ATG5: variants seen among roughly 807,000 people sequenced by gnomAD.
ATG5 encodes autophagy protein 5.
ATG5 carries 14 observed loss-of-function variants against 36.5 expected under a neutral mutation model. That is an observed-to-expected ratio of 0.38 (90% confidence interval 0.25 to 0.60). The LOEUF is 0.60. Ranked by LOEUF, ATG5 falls within the 20% of genes least tolerant of loss-of-function variation. The pLI is 0.60. For synonymous variants in ATG5, 95 were observed against 101.5 expected, an observed-to-expected ratio of 0.94 and a Z score of 0.38; for missense variants, 195 against 326.7, an observed-to-expected ratio of 0.60 and a Z score of 3.11.
At chr6:106,217,974 A>C (rs1320703332) in intron 6 of ATG5, among the ~76,000 whole-genome samples, 2 of 152,234 alleles carry the variant, frequency 1.3e-5, no homozygotes, top group Non-Finnish European at 1.5e-5. Context: ...ATTTTAATAT[A>C]TAGCAGGCTT....
chr6:106,236,354 A>G (rs1777904825), intron 6 of ATG5, among the ~76,000 whole-genome samples: 1 of 152,170 alleles, frequency 6.6e-6, no homozygotes, highest in Non-Finnish European at 1.5e-5. Context: ...GAGCTGTTAG[A>G]ACTGTTGGAT....
chr6:106,244,057 G>A (rs1211167024), intron 6 of ATG5, among the ~76,000 whole-genome samples: 1 of 151,606 alleles, frequency 6.6e-6, no homozygotes, highest in Non-Finnish European at 1.5e-5. Context: ...TGGGACTACA[G>A]GTGCTTACCA....
chr6:106,260,577 A>G (rs755233230), intron 5 of ATG5, among the ~76,000 whole-genome samples: 14 of 152,192 alleles, frequency 9.2e-5, no homozygotes, highest in Non-Finnish European at 1.6e-4. Context: ...CCTCTTTTTC[A>G]TAAGTTGCTT....
chr6:106,237,747 T>C (rs1777956272), intron 6 of ATG5, among the ~76,000 whole-genome samples: 1 of 152,230 alleles, frequency 6.6e-6, no homozygotes, highest in South Asian at 2.1e-4. Flanking sequence ...AACATTATAG[T>C]ACATCATATT....
At chr6:106,290,684 A>T (rs1780269347) in intron 4 of ATG5, among the ~76,000 whole-genome samples, 1 of 152,176 alleles carries the variant, frequency 6.6e-6, no homozygotes, top group South Asian at 2.1e-4. Flanking sequence ...TGTTACATTA[A>T]GATTTCTTAT....
chr6:106,282,713 A>C (rs1408751676), intron 4 of ATG5, among the ~76,000 whole-genome samples: 3 of 152,208 alleles, frequency 2.0e-5, no homozygotes, highest in African/African-American at 7.2e-5. Context: ...GATGACAAAC[A>C]CGTATTAAAT....
At chr6:106,233,477 TCTTTA>T (rs922979394) in intron 6 of ATG5, among the ~76,000 whole-genome samples, 3 of 152,208 alleles carry the variant, frequency 2.0e-5, no homozygotes, top group African/African-American at 7.2e-5. Flanking sequence ...GCAAGACTTT[TCTTTA>T]CATGTCACAG....
At chr6:106,206,110 C>A (rs2114372362) in intron 6 of ATG5, among the ~76,000 whole-genome samples, 1 of 152,214 alleles carries the variant, frequency 6.6e-6, no homozygotes, top group Middle Eastern at 3.4e-3. Context: ...CATGCTGAAA[C>A]CTATTCCTCA....
intron 4 of ATG5, among the ~76,000 whole-genome samples, chr6:106,285,558 T>A (rs1780043571): frequency 1.3e-5 from 2 of 152,186 alleles, no homozygotes; most frequent in African/African-American, 4.8e-5. Context: ...CCAGAGCAAC[T>A]CTTACTCTAG....
chr6:106,223,442 C>A lies in ATG5; in HGVS notation c.574-21353G>T, dbSNP rs186322585. Among the ~76,000 whole-genome samples the A allele has an allele frequency of 2.7e-4, 41 of 152,230 alleles. No homozygotes were observed. The East Asian group carries it at 7.5e-3, about 28-fold the overall frequency. ...AAATCCACATAGGAAGCAATTTAAG[C>A]CTAAATTGCCTAAGTCTCAATCTCA... is the stretch of plus-strand genomic sequence containing the variant. On this transcript the variant is annotated intron_variant, in intron 6 of 7. Coordinates refer to ENST00000369076, the MANE Select transcript of ATG5 (RefSeq NM_004849.4).
Position 106,186,262 on chromosome 6 carries a change from T to C in ATG5, c.*278A>G. 1 of 350,880 alleles carries C rather than the reference T, an allele frequency of 2.8e-6. No homozygotes were observed. Among genetic ancestry groups the C allele is most frequent in the Non-Finnish European group, 5.1e-6 (1 of 194,302 alleles). The allele number at this position is 350,880 out of a possible 1,614,324, so 21.7% of individuals were successfully genotyped here. On this transcript the variant is annotated 3_prime_UTR_variant, in exon 8 of 8. Coordinates refer to ENST00000369076, the MANE Select transcript of ATG5 (RefSeq NM_004849.4). ...TCCATTTTCTTCTTAGGCCAAAGGT[T>C]TCAGCTTCATTATATTTTACAGAAG...
At chr6:106,247,477 A>G (rs966552835) in intron 6 of ATG5, among the ~76,000 whole-genome samples, 9 of 152,210 alleles carry the variant, frequency 5.9e-5, no homozygotes, top group African/African-American at 2.2e-4. Context: ...TCACCATCCA[A>G]AACAAACAGA....
At chr6:106,251,694 A>C (rs1778592601) in intron 5 of ATG5, among the ~76,000 whole-genome samples, 1 of 86,250 alleles carries the variant, frequency 1.2e-5, no homozygotes, top group African/African-American at 4.4e-5. Flanking sequence ...AGAAAGACAG[A>C]AAAAGAAAGA....
chr6:106,301,966 T>C (rs1052799424), intron 3 of ATG5, among the ~76,000 whole-genome samples: 3 of 152,074 alleles, frequency 2.0e-5, no homozygotes, highest in African/African-American at 7.2e-5. Context: ...AAGCTGGGAT[T>C]TGAAATCTGG....
chr6:106,280,815 G>C (rs1357989106), intron 4 of ATG5, among the ~76,000 whole-genome samples: 2 of 152,098 alleles, frequency 1.3e-5, no homozygotes, highest in African/African-American at 4.8e-5. Flanking sequence ...CATTCAGCTT[G>C]ATAGTCATGG....
intron 6 of ATG5, among the ~76,000 whole-genome samples, chr6:106,230,598 T>C (rs1777644701): frequency 6.6e-6 from 1 of 152,214 alleles, no homozygotes; most frequent in Admixed American, 6.5e-5. Context: ...GAGGACGCTC[T>C]AGGACTAATG....
At position 106,289,140 on chromosome 6, in the gene ATG5, TACTC is replaced by T. The variant is rs1349333769; in HGVS notation, c.315+3884_315+3887del. Among the ~76,000 whole-genome samples the T allele has an allele frequency of 2.0e-5, 3 of 152,334 alleles. No homozygotes were observed. The East Asian group carries it at 5.8e-4, about 29-fold the overall frequency. ...GAGACACCAAGTGACACAAAATTGTTACTCAATACATCCAATCTGTTGAATGTAT... is the reference window on the plus strand; with the variant it reads ...GAGACACCAAGTGACACAAAATTGTTAATACATCCAATCTGTTGAATGTAT... On this transcript the variant is annotated intron_variant, in intron 4 of 7. Transcript: ENST00000369076.
At chr6:106,288,639 G>A (rs1562257574) in intron 4 of ATG5, among the ~76,000 whole-genome samples, 1 of 152,138 alleles carries the variant, frequency 6.6e-6, no homozygotes, top group East Asian at 1.9e-4. Context: ...CATGTGGTCT[G>A]GTGGAACAAT....
At chr6:106,210,791 A>G (rs1776822909) in intron 6 of ATG5, among the ~76,000 whole-genome samples, 1 of 152,180 alleles carries the variant, frequency 6.6e-6, no homozygotes, top group African/African-American at 2.4e-5. Context: ...TACCTCATAG[A>G]TTTTTTTGTG....
Sources: gnomAD v4.1 joint callset for allele counts (sites outside exome capture counted in the v4.1 genomes callset) on GRCh38, gnomAD v4.1.1 for gene constraint, MANE v1.5 for transcripts, NCBI Gene and HGNC (gene_info 2026-07-23, HGNC 2026-07-21) for gene names.